Variants in SGCD observed in about 807,000 individuals in gnomAD.
SGCD encodes the protein sarcoglycan delta, also known as delta-sarcoglycan.
Under a neutral mutation model 36.6 loss-of-function variants are expected in SGCD, and 18 were observed. The ratio of observed to expected loss-of-function variants is 0.49; its 90% CI spans 0.34 to 0.73. The LOEUF is 0.73. Ranked by LOEUF, SGCD falls within the 30% of genes least tolerant of loss-of-function variation. The pLI, the probability that SGCD is intolerant of heterozygous loss-of-function variation, is 0.01. For synonymous variants in SGCD, 133 were observed against 130.6 expected (o/e 1.02, Z -0.12); for missense variants, 387 against 346.7 (o/e 1.12, Z -0.92).
chr5:156,681,983 G>T (rs1213019685), intron 7 of SGCD, among the ~76,000 whole-genome samples: 1 of 151,984 alleles, frequency 6.6e-6, no homozygotes, highest in Non-Finnish European at 1.5e-5. Context: ...CCAGCATAAT[G>T]AAGGAGTTTA....
chr5:156,184,127 A>G (rs1763675750), intron 3 of SGCD, among the ~76,000 whole-genome samples: 2 of 152,220 alleles, frequency 1.3e-5, no homozygotes, highest in Non-Finnish European at 1.5e-5. Flanking sequence ...AGCCTGTTTT[A>G]TAATAAAGTG....
intron 1 of SGCD, among the ~76,000 whole-genome samples, chr5:156,068,822 G>A (rs1285526489): frequency 1.3e-5 from 2 of 151,782 alleles, no homozygotes; most frequent in Non-Finnish European, 2.9e-5. Flanking sequence ...ATTCTAACTG[G>A]TGTGAGATGG....
intron 3 of SGCD, among the ~76,000 whole-genome samples, chr5:156,499,501 A>G (rs1445886333): frequency 6.6e-6 from 1 of 152,220 alleles, no homozygotes; most frequent in Admixed American, 6.5e-5. Context: ...GAGCAGAAAT[A>G]TGAGATGAAA....
intron 2 of SGCD, among the ~76,000 whole-genome samples, chr5:156,119,454 G>T (rs1402742275): frequency 6.6e-6 from 1 of 152,084 alleles, no homozygotes; most frequent in African/African-American, 2.4e-5. Context: ...GGGAAGCATT[G>T]TTGGCAACAG....
chr5:155,980,904 G>A (rs141640248), intron 1 of SGCD, among the ~76,000 whole-genome samples: 104 of 152,302 alleles, frequency 6.8e-4, no homozygotes, highest in African/African-American at 2.4e-3. Flanking sequence ...ATTGTCAGTT[G>A]CAGGGAACCA....
At chr5:156,603,769 A>C (rs969898891) in intron 6 of SGCD, among the ~76,000 whole-genome samples, 2 of 152,048 alleles carry the variant, frequency 1.3e-5, no homozygotes, top group African/African-American at 4.8e-5. Context: ...AAAATGCTTG[A>C]TATAATCTTT....
chr5:156,082,711 A>G (rs948718806), intron 1 of SGCD, among the ~76,000 whole-genome samples: 31 of 152,240 alleles, frequency 2.0e-4, no homozygotes, highest in Admixed American at 2.0e-3. Context: ...TTGTGTGAAG[A>G]TAAATAAGAT....
intron 1 of SGCD, among the ~76,000 whole-genome samples, chr5:156,052,327 T>C (rs1311702669): frequency 6.9e-6 from 1 of 145,932 alleles, no homozygotes; most frequent in East Asian, 1.9e-4. Flanking sequence ...CAGAAGCCAT[T>C]GTGGCTGGAA....
At chr5:156,281,151 A>C (rs1484255223) in intron 3 of SGCD, among the ~76,000 whole-genome samples, 1 of 152,176 alleles carries the variant, frequency 6.6e-6, no homozygotes, top group Non-Finnish European at 1.5e-5. Context: ...TATTTTTGAA[A>C]GTGTTATGTT....
chr5:155,841,451 A>C, the SGCD span, among the ~76,000 whole-genome samples: 1 of 152,146 alleles, frequency 6.6e-6, no homozygotes, highest in African/African-American at 2.4e-5. Context: ...ACCTCATTGT[A>C]GTTGTAATTT....
intron 3 of SGCD, among the ~76,000 whole-genome samples, chr5:156,412,715 T>C (rs1441160637): frequency 1.3e-5 from 2 of 152,144 alleles, no homozygotes; most frequent in African/African-American, 4.8e-5. Flanking sequence ...GGCAAATATT[T>C]ATTAATCACT....
At chr5:156,216,122 T>C (rs1392626742) in intron 3 of SGCD, among the ~76,000 whole-genome samples, 5 of 152,170 alleles carry the variant, frequency 3.3e-5, no homozygotes, top group Admixed American at 3.3e-4. Context: ...TCTAAAAATG[T>C]TGAACTCATT....
chr5:156,273,304 T>C (rs900521424), intron 3 of SGCD, among the ~76,000 whole-genome samples: 4 of 152,218 alleles, frequency 2.6e-5, no homozygotes, highest in Non-Finnish European at 4.4e-5. Flanking sequence ...AGTATGTCTT[T>C]TTTCATATAA....
chr5:156,173,251 A>G (rs970280801), intron 3 of SGCD, among the ~76,000 whole-genome samples: 3 of 152,192 alleles, frequency 2.0e-5, no homozygotes, highest in Admixed American at 6.5e-5. Context: ...ATAAAAATAA[A>G]TGGACAAAAA....
intron 1 of SGCD, among the ~76,000 whole-genome samples, chr5:155,987,016 T>C (rs1758346324): frequency 6.6e-6 from 1 of 152,182 alleles, no homozygotes; most frequent in Non-Finnish European, 1.5e-5. Context: ...ACCGTCTTAA[T>C]GCATATAATG....
chr5:156,033,875 T>G (rs1294073895), intron 1 of SGCD, among the ~76,000 whole-genome samples: 6 of 152,182 alleles, frequency 3.9e-5, no homozygotes, highest in Non-Finnish European at 2.9e-5. Context: ...TGGCTCACAT[T>G]GCCCATTTTT....
intron 4 of SGCD, among the ~76,000 whole-genome samples, chr5:156,534,724 C>T (rs1007526587): frequency 6.6e-6 from 1 of 152,170 alleles, no homozygotes; most frequent in African/African-American, 2.4e-5. Context: ...TAACTGGAGG[C>T]ATATTACCTG....
intron 7 of SGCD, among the ~76,000 whole-genome samples, chr5:156,670,094 T>C (rs1005906338): frequency 1.3e-5 from 2 of 152,198 alleles, no homozygotes; most frequent in African/African-American, 4.8e-5. Context: ...AAGTGGATTT[T>C]ACTTAAAAAT....
chr5:156,415,266 T>A (rs1483413539), intron 3 of SGCD, among the ~76,000 whole-genome samples: 1 of 152,212 alleles, frequency 6.6e-6, no homozygotes, highest in East Asian at 1.9e-4. Flanking sequence ...CAACCCAGAT[T>A]TTGCATTATC....
Sources: allele counts gnomAD v4.1 joint callset (sites outside exome capture counted in the v4.1 genomes callset), GRCh38; gene constraint gnomAD v4.1.1; transcripts MANE v1.5; gene names NCBI Gene and HGNC (gene_info 2026-07-23, HGNC 2026-07-21).